SLC25A36: variants seen among roughly 807,000 people sequenced by gnomAD.
SLC25A36 encodes the protein epididymis secretory sperm binding protein.
In SLC25A36, 24 loss-of-function variants were observed where a neutral mutation model predicts 35.3. That is an observed-to-expected ratio of 0.68 (90% CI 0.49 to 0.96). SLC25A36 has a LOEUF of 0.96. Ranked by LOEUF, SLC25A36 falls within the 40% of genes least tolerant of loss-of-function variation. The pLI, the probability that SLC25A36 is intolerant of heterozygous loss-of-function variation, is 0.00. For synonymous variants in SLC25A36, 141 were observed against 132.2 expected, an observed-to-expected ratio of 1.07 and a Z score of -0.46; for missense variants, 294 against 381.1, an observed-to-expected ratio of 0.77 and a Z score of 1.90.
In SLC25A36 at chr3:140,956,582, C is replaced by T. The variant is rs769193558; in HGVS notation, c.97C>T (p.Arg33Ter). ...ATGTCCACTGGAAGTTGTAAAAACA[C>T]GACTGCAGTCATCTTCTGTGACGCT... ...LTCPLEVVKT[R>*]LQSSSVTLYI... The change falls in exon 2 of 7, where the codon CGA becomes TGA. Residue 33 changes from arginine (R) to a stop codon, truncating the protein, a stop_gained. Coordinates refer to ENST00000324194, the MANE Select transcript of SLC25A36 (RefSeq NM_001104647.3). LOFTEE classifies it high-confidence loss of function. 3.1e-6 allele frequency: 5 copies of T among 1,612,218 alleles called. No individual in the cohort carries two copies. The highest frequency in any genetic ancestry group is 3.3e-5 in the Admixed American group (2 of 59,818).
At chr3:140,949,490 T>G (rs368330796) in intron 1 of SLC25A36, among the ~76,000 whole-genome samples, 2 of 152,226 alleles carry the variant, frequency 1.3e-5, no homozygotes, top group African/African-American at 2.4e-5. Flanking sequence ...GCTATGTGAT[T>G]ATTTGACTCA....
chr3:140,970,744 A>G (rs1476242855), intron 4 of SLC25A36, 183 bp from the exon 5 acceptor site: 1 of 426,294 alleles, frequency 2.3e-6, no homozygotes, highest in Non-Finnish European at 4.3e-6. Flanking sequence ...AGAATTTGAG[A>G]ATTCATATAG....
intron 4 of SLC25A36, chr3:140,968,218 T>C (rs1167260218): frequency 7.3e-6 from 7 of 953,314 alleles, no homozygotes; most frequent in Non-Finnish European, 6.2e-6. Flanking sequence ...AAAGTGTCTT[T>C]GGTTAGGAGA....
At chr3:140,953,289 G>T (rs1451337229) in intron 1 of SLC25A36, among the ~76,000 whole-genome samples, 1 of 151,476 alleles carries the variant, frequency 6.6e-6, no homozygotes, top group African/African-American at 2.4e-5. Flanking sequence ...ATTGAGTATT[G>T]AGGTTTCTAA....
intron 3 of SLC25A36, among the ~76,000 whole-genome samples, chr3:140,961,298 A>G (rs1474067767): frequency 1.3e-5 from 2 of 152,194 alleles, no homozygotes; most frequent in Admixed American, 1.3e-4. Flanking sequence ...CATAAACTGA[A>G]TAATACTAAA....
Position 140,970,919 on chromosome 3 carries a change from T to C in SLC25A36, c.386-8T>C. On this transcript the variant is annotated splice_polypyrimidine_tract_variant and splice_region_variant and intron_variant, in intron 4 of 6. Coordinates refer to ENST00000324194, the MANE Select transcript of SLC25A36 (RefSeq NM_001104647.3). ...TTACCAGAGTTCATTTTAAACATGT[T>C]TGTTTAGGTTTTACTGCAATCACAG... The C allele has an allele frequency of 7.3e-7, 1 of 1,374,620 alleles. No individual in the cohort carries two copies. 85.2% of individuals were successfully genotyped at this position (1,374,620 alleles called of 1,614,324 possible).
At chr3:140,961,975 G>A (rs1213267712) in intron 3 of SLC25A36, among the ~76,000 whole-genome samples, 1 of 151,280 alleles carries the variant, frequency 6.6e-6, no homozygotes, top group Non-Finnish European at 1.5e-5. Context: ...GGACTAAGAG[G>A]GATTTTTCAC....
intron 6 of SLC25A36, among the ~76,000 whole-genome samples, chr3:140,975,043 G>GAAGT (rs1935000501): frequency 6.9e-6 from 1 of 143,902 alleles, no homozygotes; most frequent in Non-Finnish European, 1.5e-5. Flanking sequence ...CTTTTCCCTT[G>GAAGT]AAGTGAGATG....
intron 2 of SLC25A36, among the ~76,000 whole-genome samples, chr3:140,958,963 TGTG>T (rs1934555514): frequency 4.3e-4 from 8 of 18,630 alleles, no homozygotes; most frequent in South Asian, 3.4e-3. Flanking sequence ...CAATGTTTTG[TGTG>T]TGTGTGTGTG....
At position 140,956,626 on chromosome 3, in the gene SLC25A36, G is replaced by A; in HGVS notation, c.141G>A (p.Gln47=). 2 of 1,613,750 alleles carry A rather than the reference G, an allele frequency of 1.2e-6. No individual in the cohort carries two copies. The highest frequency in any genetic ancestry group is 1.7e-6 in the Non-Finnish European group (2 of 1,179,954). Residue 47 remains glutamine (Q), a synonymous_variant, in exon 2 of 7, where the codon CAG becomes CAA. Coordinates refer to ENST00000324194, the MANE Select transcript of SLC25A36 (RefSeq NM_001104647.3). ...SSVTLYISEV[Q]LNTMAGASVN... is the part of the protein sequence containing the mutation. ...TGACGCTTTATATTTCTGAAGTTCA[G>A]CTGAACACCATGGCTGGAGCCAGTG...
intron 3 of SLC25A36, among the ~76,000 whole-genome samples, chr3:140,961,680 C>A (rs1934629657): frequency 6.6e-6 from 1 of 151,392 alleles, no homozygotes; most frequent in African/African-American, 2.4e-5. Context: ...ACAGTGAAAC[C>A]CCATCTCTAC....
chr3:140,975,296 C>T (rs141119481), intron 6 of SLC25A36, among the ~76,000 whole-genome samples: 3 of 151,516 alleles, frequency 2.0e-5, no homozygotes, highest in African/African-American at 7.2e-5. Context: ...TTAGTAGAGA[C>T]ATAGTCTTGC....
At chr3:140,975,128 G>C (rs202035848) in intron 6 of SLC25A36, among the ~76,000 whole-genome samples, 1 of 11,178 alleles carries the variant, frequency 8.9e-5, no homozygotes, top group Non-Finnish European at 5.2e-4. Flanking sequence ...TTTTTTTTTT[G>C]ATAGGATCTC....
At chr3:140,968,816 T>G in intron 4 of SLC25A36, 1 of 569,414 alleles carries the variant, frequency 1.8e-6, no homozygotes, top group Non-Finnish European at 2.2e-6. Context: ...TTCAAATAAG[T>G]ATAATAAGAT....
chr3:140,962,828 C>G (rs1186900606), intron 3 of SLC25A36, among the ~76,000 whole-genome samples: 1 of 149,760 alleles, frequency 6.7e-6, no homozygotes, highest in Non-Finnish European at 1.5e-5. Flanking sequence ...TTCATTTTTT[C>G]TTTTTATCTT....
chr3:140,970,835 C>A, intron 4 of SLC25A36, 92 bp from the exon 5 acceptor site: 1 of 639,428 alleles, frequency 1.6e-6, no homozygotes, highest in Non-Finnish European at 2.9e-6. Flanking sequence ...TATACATTTT[C>A]TTGAATGTAG....
intron 1 of SLC25A36, among the ~76,000 whole-genome samples, chr3:140,943,415 CAAT>C (rs1180046442): frequency 6.6e-6 from 1 of 152,178 alleles, no homozygotes; most frequent in Non-Finnish European, 1.5e-5. Flanking sequence ...GGCATAAAAA[CAAT>C]ATTTTTCTAT....
rs113790910 is a variant in SLC25A36, at chr3:140,971,284, C to G, written c.452+291C>G. Among the ~76,000 whole-genome samples the G allele has an allele frequency of 4.9e-3, 744 of 152,168 alleles. 4 individuals are homozygous for G. The highest frequency in any genetic ancestry group is 0.011 in the Admixed American group (165 of 15,258). ...AAGAAAGAGATAGATTAACCCAGCC[C>G]AAAAGGTAATACTTTCCTTACATGG... On this transcript the variant is annotated intron_variant, in intron 5 of 6. Transcript: ENST00000324194.
chr3:140,945,089 G>T (rs13100471), intron 1 of SLC25A36, among the ~76,000 whole-genome samples: 1 of 152,026 alleles, frequency 6.6e-6, no homozygotes, highest in Non-Finnish European at 1.5e-5. Context: ...AGTCCTGAAG[G>T]CTGGGAAGTT....
Sources: allele counts gnomAD v4.1 joint callset (sites outside exome capture counted in the v4.1 genomes callset), GRCh38; gene constraint gnomAD v4.1.1; transcripts MANE v1.5; gene names NCBI Gene and HGNC (gene_info 2026-07-23, HGNC 2026-07-21).